The following TNFSF4 variants were observed in gnomAD, a reference collection of about 807,000 sequenced individuals.
TNFSF4 encodes the protein tumor necrosis factor ligand superfamily member 4.
Under a neutral mutation model 7.3 loss-of-function variants are expected in TNFSF4, and 4 were observed. That is an observed-to-expected ratio of 0.55 (90% CI 0.27 to 1.25). The LOEUF (loss-of-function observed/expected upper bound fraction) is 1.25. TNFSF4 is among the 50% of genes most tolerant of loss of function. The probability of loss-of-function intolerance (pLI) is 0.12; values close to 1 mark genes in which losing one functional copy is unlikely to be tolerated. For synonymous variants in TNFSF4, 76 were observed against 83.7 expected (o/e 0.91, Z 0.50); for missense variants, 181 against 208.8 (o/e 0.87, Z 0.82).
the TNFSF4 span, among the ~76,000 whole-genome samples, chr1:173,259,266 G>C: frequency 2.0e-5 from 3 of 152,098 alleles, no homozygotes; most frequent in Admixed American, 2.0e-4. Context: ...TTGAAGAAGG[G>C]CTTGACTGTT....
At chr1:173,297,779 G>A in the TNFSF4 span, among the ~76,000 whole-genome samples, 2 of 151,964 alleles carry the variant, frequency 1.3e-5, no homozygotes, top group Non-Finnish European at 2.9e-5. Flanking sequence ...ACAGTGAGGG[G>A]AGCAGAATAT....
At chr1:173,320,265 A>G in the TNFSF4 span, among the ~76,000 whole-genome samples, 141,144 of 152,274 alleles carry the variant, frequency 0.93, 65,468 homozygotes, top group East Asian at 1. Flanking sequence ...AGAAAAGGCC[A>G]TTGACAAAAT....
the TNFSF4 span, among the ~76,000 whole-genome samples, chr1:173,438,865 T>C: frequency 6.6e-6 from 1 of 152,252 alleles, no homozygotes; most frequent in South Asian, 2.1e-4. Flanking sequence ...CAGAGCTCTT[T>C]GCACAACTTT....
chr1:173,284,370 T>C, the TNFSF4 span, among the ~76,000 whole-genome samples: 4 of 152,198 alleles, frequency 2.6e-5, no homozygotes, highest in African/African-American at 9.6e-5. Flanking sequence ...AAGGAAGCCA[T>C]CTTCATCACA....
downstream of TNFSF4, among the ~76,000 whole-genome samples, chr1:173,178,831 T>A (rs1346723015): frequency 6.6e-5 from 10 of 152,246 alleles, no homozygotes; most frequent in East Asian, 1.9e-3. Flanking sequence ...GATGAGGAGA[T>A]TATCCTGAAT....
At chr1:173,439,850 G>A in the TNFSF4 span, among the ~76,000 whole-genome samples, 2 of 152,174 alleles carry the variant, frequency 1.3e-5, no homozygotes, top group African/African-American at 4.8e-5. Context: ...GGCTTGGGGG[G>A]AAGGTTGTTT....
the TNFSF4 span, among the ~76,000 whole-genome samples, chr1:173,176,031 G>A: frequency 7.9e-4 from 120 of 152,226 alleles, no homozygotes; most frequent in African/African-American, 2.6e-3. Flanking sequence ...TGGCTGGGGC[G>A]TAGACTCAAA....
At chr1:173,364,288 A>G in the TNFSF4 span, among the ~76,000 whole-genome samples, 1 of 149,352 alleles carries the variant, frequency 6.7e-6, no homozygotes, top group African/African-American at 2.4e-5. Context: ...CAAAAAAATA[A>G]AAAGAAAAAA....
At chr1:173,287,887 A>G in the TNFSF4 span, among the ~76,000 whole-genome samples, 1 of 152,226 alleles carries the variant, frequency 6.6e-6, no homozygotes, top group East Asian at 1.9e-4. Context: ...TCCTTTGGAT[A>G]TTTACAGAAT....
the TNFSF4 span, among the ~76,000 whole-genome samples, chr1:173,388,688 T>A: frequency 6.6e-6 from 1 of 152,248 alleles, no homozygotes; most frequent in Non-Finnish European, 1.5e-5. Context: ...GCCACTCTTT[T>A]CACTAGTATT....
the TNFSF4 span, among the ~76,000 whole-genome samples, chr1:173,264,093 A>ATAT: frequency 1.1e-4 from 16 of 152,178 alleles, no homozygotes; most frequent in Non-Finnish European, 1.9e-4. Flanking sequence ...AAATTTACCT[A>ATAT]TATAATAAAC....
chr1:173,301,370 G>T, the TNFSF4 span, among the ~76,000 whole-genome samples: 1 of 151,322 alleles, frequency 6.6e-6, no homozygotes, highest in Non-Finnish European at 1.5e-5. Flanking sequence ...TACCATAAAT[G>T]TCATTACAAC....
At chr1:173,377,178 G>A in the TNFSF4 span, among the ~76,000 whole-genome samples, 1 of 152,126 alleles carries the variant, frequency 6.6e-6, no homozygotes, top group Admixed American at 6.5e-5. Flanking sequence ...ACACATTTTG[G>A]CAACCACAAA....
the TNFSF4 span, among the ~76,000 whole-genome samples, chr1:173,370,583 C>T: frequency 2.0e-5 from 3 of 152,228 alleles, no homozygotes; most frequent in African/African-American, 7.2e-5. Flanking sequence ...ATATACTCCC[C>T]TGTCACCTGA....
At chr1:173,337,507 G>A in the TNFSF4 span, among the ~76,000 whole-genome samples, 31,777 of 152,122 alleles carry the variant, frequency 0.21, 3,570 homozygotes, top group Middle Eastern at 0.27. Context: ...TTCATTGGGC[G>A]TTCCCAATGA....
chr1:173,359,053 C>G, the TNFSF4 span, among the ~76,000 whole-genome samples: 1 of 152,148 alleles, frequency 6.6e-6, no homozygotes, highest in Non-Finnish European at 1.5e-5. Context: ...TAAAGCATTC[C>G]TCTGGTTTCC....
At chr1:173,259,697 ACC>A in the TNFSF4 span, among the ~76,000 whole-genome samples, 1 of 152,234 alleles carries the variant, frequency 6.6e-6, no homozygotes, top group African/African-American at 2.4e-5. Flanking sequence ...TCATAAGACA[ACC>A]ACAAGTATCA....
At chr1:173,240,714 T>C in the TNFSF4 span, among the ~76,000 whole-genome samples, 6 of 152,166 alleles carry the variant, frequency 3.9e-5, no homozygotes, top group Admixed American at 3.9e-4. Context: ...AAGGTGCTAG[T>C]CATGAGTACA....
At chr1:173,361,185 A>G in the TNFSF4 span, among the ~76,000 whole-genome samples, 1 of 152,222 alleles carries the variant, frequency 6.6e-6, no homozygotes, top group African/African-American at 2.4e-5. Flanking sequence ...CTTTTAAAAT[A>G]GGTGGGTCCA....
Sources: allele counts gnomAD v4.1 joint callset (sites outside exome capture counted in the v4.1 genomes callset), GRCh38; gene constraint gnomAD v4.1.1; transcripts MANE v1.5; gene names NCBI Gene and HGNC (gene_info 2026-07-23, HGNC 2026-07-21).